The following TPD52 variants were observed in gnomAD, a reference collection of about 807,000 sequenced individuals.
The protein encoded by TPD52 is prostate and colon associated protein.
Under a neutral mutation model 31.3 loss-of-function variants are expected in TPD52, and 17 were observed. The observed-to-expected ratio is 0.54, with a 90% CI of 0.37 to 0.82. TPD52 has a LOEUF of 0.82. Among genes scored for constraint, TPD52 ranks in the 40% least tolerant of loss-of-function variants. The pLI, the probability that TPD52 is intolerant of heterozygous loss-of-function variation, is 0.00. For missense variants in TPD52, 212 were observed against 240.1 expected (o/e 0.88, Z 0.77); for synonymous variants, 83 against 89.6 (o/e 0.93, Z 0.42).
chr8:80,160,180 G>C (rs893059785), intron 1 of TPD52, among the ~76,000 whole-genome samples: 1 of 130,522 alleles, frequency 7.7e-6, no homozygotes. Flanking sequence ...GACAGAGCAA[G>C]ACCCCATCTC....
intron 1 of TPD52, among the ~76,000 whole-genome samples, chr8:80,082,267 T>A (rs751128780): frequency 2.0e-5 from 3 of 152,174 alleles, no homozygotes; most frequent in Non-Finnish European, 4.4e-5. Context: ...TCTGAAAGAA[T>A]GGATTGTCTG....
intron 1 of TPD52, among the ~76,000 whole-genome samples, chr8:80,142,978 C>T (rs989404473): frequency 6.6e-6 from 1 of 152,144 alleles, no homozygotes; most frequent in Non-Finnish European, 1.5e-5. Context: ...CAGAGCAACA[C>T]CCTCCAAATC....
chr8:80,164,967 TAA>T (rs1263939758), intron 1 of TPD52, among the ~76,000 whole-genome samples: 8 of 83,736 alleles, frequency 9.6e-5, no homozygotes, highest in Non-Finnish European at 2.1e-4. Flanking sequence ...AAAATCACTA[TAA>T]AGTCAAAAAA....
intron 2 of TPD52, among the ~76,000 whole-genome samples, chr8:80,059,116 AACC>A (rs367848902): frequency 9.2e-4 from 140 of 152,326 alleles, no homozygotes; most frequent in African/African-American, 3.0e-3. Context: ...CACCTTTTCC[AACC>A]ACCACCATGA....
At chr8:80,041,377 T>A (rs1047055608) in intron 7 of TPD52, among the ~76,000 whole-genome samples, 2 of 152,262 alleles carry the variant, frequency 1.3e-5, no homozygotes, top group Admixed American at 6.5e-5. Context: ...ATGCATTTCG[T>A]GACTCAAAGT....
chr8:80,163,011 T>C (rs1033752271), intron 1 of TPD52, among the ~76,000 whole-genome samples: 1 of 152,096 alleles, frequency 6.6e-6, no homozygotes, highest in Non-Finnish European at 1.5e-5. Context: ...ACTGGAATCC[T>C]TGTGTACTGT....
At chr8:80,079,129 AATT>A (rs1814935477) in intron 1 of TPD52, among the ~76,000 whole-genome samples, 1 of 152,142 alleles carries the variant, frequency 6.6e-6, no homozygotes. Flanking sequence ...GCCCCTATTA[AATT>A]ATACATAAAA....
In TPD52 at chr8:80,036,867, A is replaced by G. The variant is rs1041425761; in HGVS notation, c.*1249T>C. ...AATCACAATTTAATAAATAACAAAT[A>G]CAACATTGTAGGCCATAATCATATA... is the stretch of plus-strand genomic sequence containing the variant. On this transcript the variant is annotated 3_prime_UTR_variant, in exon 8 of 8. Transcript: ENST00000518937. 1.3e-5 allele frequency: 2 copies of G among 152,540 alleles called. No homozygotes were observed. The highest frequency in any genetic ancestry group is 4.8e-5 in the African/African-American group (2 of 41,572). The allele number at this position is 152,540 out of a possible 1,614,324, so 9.4% of individuals were successfully genotyped here.
At chr8:80,135,889 A>C (rs1809354364) in intron 1 of TPD52, among the ~76,000 whole-genome samples, 1 of 137,822 alleles carries the variant, frequency 7.3e-6, no homozygotes, top group Non-Finnish European at 1.5e-5. Context: ...AGAACAAAAA[A>C]CCAAACACCG....
intron 1 of TPD52, among the ~76,000 whole-genome samples, chr8:80,081,715 A>ATTT (rs11433117): frequency 6.7e-6 from 1 of 149,444 alleles, no homozygotes; most frequent in Non-Finnish European, 1.5e-5. Flanking sequence ...TCATCTTGTG[A>ATTT]TTTTTTTTTT....
rs544414648 is a variant in TPD52 at position 80,083,061 on chromosome 8, G to T, written c.20-18468C>A. Among the ~76,000 whole-genome samples, 3 of 152,102 alleles carry T rather than the reference G, an allele frequency of 2.0e-5. No individual in the cohort carries two copies. In the East Asian group the frequency reaches 5.8e-4, roughly 29 times the overall value. Reference sequence around the variant, plus strand: ...GGGAAAAGCATGGGATGGGTTAATGGAATGGCAAAAATTCAGTTAACTCAA... The same window carrying T: ...GGGAAAAGCATGGGATGGGTTAATGTAATGGCAAAAATTCAGTTAACTCAA... On this transcript the variant is annotated intron_variant, in intron 1 of 7. Transcript: ENST00000518937.
chr8:80,154,452 T>C (rs892438561), intron 1 of TPD52, among the ~76,000 whole-genome samples: 4 of 152,194 alleles, frequency 2.6e-5, no homozygotes, highest in Non-Finnish European at 4.4e-5. Context: ...CGGATTTGAA[T>C]TGCAATTGAC....
chr8:80,034,925 G>C lies in TPD52; in HGVS notation c.*3191C>G, dbSNP rs899907159. On this transcript the variant is annotated 3_prime_UTR_variant, in exon 8 of 8. Transcript: ENST00000518937. ...AAAATCCTGGCAGGCAAAAGCACTT[G>C]CAGACCCGACTCTCTGAGAACTTAC... 6.6e-6 allele frequency: 1 copy of C among 152,044 alleles called. No homozygotes were observed. Among genetic ancestry groups the C allele is most frequent in the African/African-American group, 2.4e-5 (1 of 41,294 alleles). 9.4% of individuals were successfully genotyped at this position (152,044 alleles called of 1,614,324 possible).
intron 1 of TPD52, among the ~76,000 whole-genome samples, chr8:80,077,976 A>G (rs758930144): frequency 2.0e-5 from 3 of 152,274 alleles, no homozygotes; most frequent in Admixed American, 6.5e-5. Context: ...GTCAGAGTAC[A>G]TCACATATAG....
At chr8:80,085,245 G>A (rs1815647364) in intron 1 of TPD52, among the ~76,000 whole-genome samples, 1 of 152,242 alleles carries the variant, frequency 6.6e-6, no homozygotes, top group African/African-American at 2.4e-5. Context: ...TCAACTAGGT[G>A]CAGCCAGTAA....
At chr8:80,156,809 G>T (rs1393815628) in intron 1 of TPD52, among the ~76,000 whole-genome samples, 1 of 152,050 alleles carries the variant, frequency 6.6e-6, no homozygotes, top group East Asian at 1.9e-4. Context: ...TTGGTGATAA[G>T]AAGCAGTGGT....
intron 1 of TPD52, among the ~76,000 whole-genome samples, chr8:80,080,070 T>C (rs1815071699): frequency 6.6e-6 from 1 of 152,236 alleles, no homozygotes; most frequent in Non-Finnish European, 1.5e-5. Flanking sequence ...TATCTATCAA[T>C]GGAGAAGTCT....
chr8:80,119,714 T>C (rs1186744164), intron 1 of TPD52: 1 of 175,382 alleles, frequency 5.7e-6, no homozygotes, highest in African/African-American at 2.4e-5. Context: ...ATATGGCCTT[T>C]AAAACCACAC....
chr8:80,131,181 GATCAGGAGAAAAAA>G (rs1808991733), intron 1 of TPD52, among the ~76,000 whole-genome samples: 1 of 152,078 alleles, frequency 6.6e-6, no homozygotes, highest in South Asian at 2.1e-4. Context: ...CTGGTGTTGA[GATCAGGAGAAAAAA>G]ATCAGCAAAG....
Sources: gnomAD v4.1 joint callset for allele counts (sites outside exome capture counted in the v4.1 genomes callset) on GRCh38, gnomAD v4.1.1 for gene constraint, MANE v1.5 for transcripts, NCBI Gene and HGNC (gene_info 2026-07-23, HGNC 2026-07-21) for gene names.